TBL1X: variants seen among roughly 807,000 people sequenced by gnomAD.
TBL1X encodes the protein transducin beta like 1 X-linked, also known as F-box-like/WD repeat-containing protein TBL1X.
TBL1X carries 10 observed loss-of-function variants against 50.7 expected under a neutral mutation model. The ratio of observed to expected loss-of-function variants is 0.20; its 90% CI spans 0.12 to 0.33. The LOEUF (loss-of-function observed/expected upper bound fraction) is 0.33, where lower values mean the gene tolerates loss of function less well. TBL1X is among the 10% of genes least tolerant of loss of function. TBL1X has a pLI of 1.00. For missense variants in TBL1X, 340 were observed against 504.4 expected, an observed-to-expected ratio of 0.67 and a Z score of 3.12; for synonymous variants, 190 against 214.7, an observed-to-expected ratio of 0.88 and a Z score of 1.01.
chrX:9,631,404 C>G (rs1295134625), intron 2 of TBL1X, among the ~76,000 whole-genome samples: 1 of 112,311 alleles, frequency 8.9e-6, no homozygotes, highest in Non-Finnish European at 1.9e-5. Context: ...GTACCACTTA[C>G]TCTGTGTTTC....
chrX:9,697,659 C>G (rs932231231), intron 12 of TBL1X, among the ~76,000 whole-genome samples: 1 of 111,546 alleles, frequency 9.0e-6, no homozygotes, highest in Non-Finnish European at 1.9e-5. Flanking sequence ...TAGTCCCAGC[C>G]ACTTGGGAGG....
intron 1 of TBL1X, among the ~76,000 whole-genome samples, chrX:9,470,229 C>G (rs755782241): frequency 6.9e-4 from 78 of 112,779 alleles, no homozygotes; most frequent in Non-Finnish European, 2.4e-4. Context: ...AGCACTTATT[C>G]TTTGTGTTAC....
chrX:9,468,608 C>T (rs2081792322), intron 1 of TBL1X, among the ~76,000 whole-genome samples: 1 of 111,075 alleles, frequency 9.0e-6, no homozygotes. Flanking sequence ...TGAACTTGGG[C>T]GCTGGGGACA....
chrX:9,715,712 TG>T (rs2083274220), intron 17 of TBL1X, among the ~76,000 whole-genome samples: 1 of 112,240 alleles, frequency 8.9e-6, no homozygotes, highest in Non-Finnish European at 1.9e-5. Flanking sequence ...ACCCATGCTG[TG>T]GCTGAGAAGC....
intron 5 of TBL1X, among the ~76,000 whole-genome samples, chrX:9,671,424 G>C (rs2082959791): frequency 8.8e-6 from 1 of 113,113 alleles, no homozygotes; most frequent in Non-Finnish European, 1.9e-5. Flanking sequence ...CCATGCCGAG[G>C]GGTTCAGAAG....
At chrX:9,651,064 C>A (rs1177379786) in intron 3 of TBL1X, among the ~76,000 whole-genome samples, 1 of 81,484 alleles carries the variant, frequency 1.2e-5, no homozygotes, top group Admixed American at 1.7e-4. Context: ...GGTCTCACTT[C>A]CGTTGCCCAG....
At chrX:9,590,374 A>T (rs199991250) in intron 2 of TBL1X, among the ~76,000 whole-genome samples, 775 of 54,339 alleles carry the variant, frequency 0.014, 3 homozygotes, top group Middle Eastern at 0.068. Flanking sequence ...TTTTTTTTTT[A>T]AAAAAGTCAG....
chrX:9,582,369 T>A (rs1010774313), intron 2 of TBL1X, among the ~76,000 whole-genome samples: 3 of 112,326 alleles, frequency 2.7e-5, no homozygotes, highest in African/African-American at 9.7e-5. Flanking sequence ...TAGAAAACAG[T>A]AGTATTTTAA....
chrX:9,484,179 T>C (rs2081898403), intron 1 of TBL1X, among the ~76,000 whole-genome samples: 1 of 110,026 alleles, frequency 9.1e-6, no homozygotes, highest in African/African-American at 3.3e-5. Context: ...TAATTTTTTA[T>C]TTTTTGTAGA....
chrX:9,678,907 T>C (rs370361465), intron 5 of TBL1X, among the ~76,000 whole-genome samples: 7 of 111,672 alleles, frequency 6.3e-5, no homozygotes, highest in African/African-American at 2.0e-4. Context: ...ACAGACTGTT[T>C]CCTCTCTTGT....
intron 1 of TBL1X, among the ~76,000 whole-genome samples, chrX:9,474,390 C>T (rs950756766): frequency 8.8e-6 from 1 of 113,241 alleles, no homozygotes; most frequent in Non-Finnish European, 1.9e-5. Context: ...CTGACTTCAG[C>T]TACTAAGGTA....
At chrX:9,673,504 G>C (rs56269152) in intron 5 of TBL1X, among the ~76,000 whole-genome samples, 16,072 of 111,327 alleles carry the variant, frequency 0.14, 1,125 homozygotes, top group East Asian at 0.42. Flanking sequence ...GAAGGTCCTG[G>C]CCTACCCAAG....
rs755145975 is a variant in TBL1X at position 9,688,111 on chromosome X, G to T, written c.452G>T (p.Arg151Leu). 44 of 1,209,011 alleles carry T rather than the reference G, an allele frequency of 3.6e-5. No homozygotes were observed. The highest frequency in any genetic ancestry group is 4.9e-5 in the Non-Finnish European group (44 of 894,618). The stretch of plus-strand genomic sequence containing the variant: ...GTGCAGACGCGGCAGCAGGCATTCC[G>T]AGAGAAGCTCGCTCAGCAGCAAGCC... Reference protein sequence around the residue: ...DVVQTRQQAFREKLAQQQASA... With the variant: ...DVVQTRQQAFLEKLAQQQASA... Residue 151 changes from arginine (R) to leucine (L), a missense_variant, in exon 7 of 18, where the codon CGA becomes CTA. Around this residue, in one of 6 missense-constraint regions of TBL1X, gnomAD observed 99 missense variants for 93.3 expected, o/e 1.06. Coordinates refer to ENST00000645353, the MANE Select transcript of TBL1X (RefSeq NM_005647.4).
At chrX:9,540,254 T>C (rs1172042426) in intron 2 of TBL1X, among the ~76,000 whole-genome samples, 1 of 112,343 alleles carries the variant, frequency 8.9e-6, no homozygotes, top group Non-Finnish European at 1.9e-5. Flanking sequence ...GATGCAGGCA[T>C]GGGGTGCAAG....
At chrX:9,516,405 A>G (rs147212937) in intron 2 of TBL1X, among the ~76,000 whole-genome samples, 108 of 111,941 alleles carry the variant, frequency 9.6e-4, no homozygotes, top group African/African-American at 3.3e-3. Context: ...GAGTACACAT[A>G]CTGGAGGGAA....
At chrX:9,615,597 C>A (rs1430502954) in intron 2 of TBL1X, among the ~76,000 whole-genome samples, 2 of 112,293 alleles carry the variant, frequency 1.8e-5, no homozygotes, top group Non-Finnish European at 3.8e-5. Context: ...TATCCTGTCT[C>A]TTGCTCATTA....
chrX:9,569,878 G>C (rs977603774), intron 2 of TBL1X, among the ~76,000 whole-genome samples: 2 of 112,353 alleles, frequency 1.8e-5, no homozygotes, highest in Non-Finnish European at 3.8e-5. Flanking sequence ...GTGGATTTCA[G>C]CTGGATGAGT....
At chrX:9,568,677 G>C (rs1208070969) in intron 2 of TBL1X, among the ~76,000 whole-genome samples, 1 of 107,510 alleles carries the variant, frequency 9.3e-6, no homozygotes, top group East Asian at 3.0e-4. Flanking sequence ...GCAGTGTGCT[G>C]TGTGTGTGTC....
At chrX:9,698,783 C>A (rs1427477242) in intron 12 of TBL1X, among the ~76,000 whole-genome samples, 1 of 112,055 alleles carries the variant, frequency 8.9e-6, no homozygotes, top group Admixed American at 9.4e-5. Context: ...TGCAAGCAAG[C>A]CTCTGTAGGG....
Sources: gnomAD v4.1 joint callset for allele counts (sites outside exome capture counted in the v4.1 genomes callset) on GRCh38, gnomAD v4.1.1 for gene constraint, gnomAD v4.1.1 regional missense constraint, MANE v1.5 for transcripts, NCBI Gene and HGNC (gene_info 2026-07-23, HGNC 2026-07-21) for gene names.